Variants in ERBB4 observed in about 807,000 individuals in gnomAD.
The protein encoded by ERBB4 is receptor tyrosine-protein kinase erbB-4.
ERBB4 carries 42 observed loss-of-function variants against 158.0 expected under a neutral mutation model. The ratio of observed to expected loss-of-function variants is 0.27; its 90% CI spans 0.21 to 0.34. The LOEUF is 0.34. Among genes scored for constraint, ERBB4 ranks in the 10% least tolerant of loss-of-function variants. ERBB4 has a pLI of 1.00. For synonymous variants in ERBB4, 583 were observed against 558.7 expected, an observed-to-expected ratio of 1.04 and a Z score of -0.61; for missense variants, 1,333 against 1,624.1, an observed-to-expected ratio of 0.82 and a Z score of 3.08.
chr2:212,263,471 A>G (rs191319337), intron 1 of ERBB4, among the ~76,000 whole-genome samples: 305 of 152,240 alleles, frequency 2.0e-3, no homozygotes, highest in Non-Finnish European at 3.4e-3. Context: ...TACAGCAAAA[A>G]TATTTTCACA....
chr2:211,937,923 A>G (rs140542488), intron 3 of ERBB4, among the ~76,000 whole-genome samples: 8 of 152,248 alleles, frequency 5.3e-5, no homozygotes, highest in African/African-American at 1.7e-4. Flanking sequence ...AAAGTAAAAA[A>G]TTTCATTTTT....
intron 20 of ERBB4, among the ~76,000 whole-genome samples, chr2:211,445,583 C>A (rs17747141): frequency 1.3e-5 from 2 of 151,908 alleles, no homozygotes; most frequent in African/African-American, 4.8e-5. Context: ...GTAAAACTAG[C>A]GACAGTATCA....
chr2:211,402,262 C>G lies in ERBB4; in HGVS notation c.3136-14270G>C, dbSNP rs551722751. Among the ~76,000 whole-genome samples the G allele has an allele frequency of 5.9e-5, 9 of 152,062 alleles. No individual in the cohort carries two copies. The South Asian group carries it at 1.9e-3, about 32-fold the overall frequency. ...AACCGGTTACATTAGTATCCTGCCT[C>G]TCTTATTTCTCCTAAATTTACTTAT... On this transcript the variant is annotated intron_variant, in intron 25 of 27. Transcript: ENST00000342788.
intron 20 of ERBB4, among the ~76,000 whole-genome samples, chr2:211,477,404 C>A (rs12988192): frequency 0.14 from 21,632 of 151,686 alleles, 1,891 homozygotes; most frequent in Admixed American, 0.19. Context: ...TCTGGAGAAC[C>A]CTAATTAATA....
Position 211,387,052 on chromosome 2 carries a change from T to C in ERBB4, c.3282A>G (p.Ala1094=). The stretch of plus-strand genomic sequence containing the variant: ...CAAAAATCTCAGCAGTAGCACCCTG[T>C]GCCACAGGAGCTTCTGGAATTGTGC... The part of the protein sequence containing the change: ...PTSTIPEAPV[A]QGATAEIFDD... Residue 1094 remains alanine, a synonymous_variant, in exon 27 of 28, where the codon GCA becomes GCG. Transcript: ENST00000342788. The C allele has an allele frequency of 6.2e-7, 1 of 1,614,026 alleles. No individual in the cohort carries two copies. The highest frequency in any genetic ancestry group is 8.5e-7 in the Non-Finnish European group (1 of 1,179,942).
At chr2:212,147,157 ATTTTTTTTTTTT>A (rs71397161) in intron 1 of ERBB4, among the ~76,000 whole-genome samples, 10 of 34,260 alleles carry the variant, frequency 2.9e-4, no homozygotes, top group Admixed American at 1.9e-3. Flanking sequence ...TGCCCAGCTA[ATTTTTTTTTTTT>A]TTTTTTTTTT....
rs117514570 is a variant in ERBB4, at chr2:211,560,129, C to T, written c.2487+1774G>A. On this transcript the variant is annotated intron_variant, in intron 20 of 27. Transcript: ENST00000342788. ...TATAAAACTAATTATTCAGGAAACT[C>T]AAAGTAGTTTCTCTTATTAGAGTGT... Among the ~76,000 whole-genome samples, 1,281 of 152,070 alleles carry T rather than the reference C, an allele frequency of 8.4e-3. 16 individuals carry two copies. Among genetic ancestry groups the T allele is most frequent in the East Asian group, 0.041 (214 of 5,164 alleles).
intron 2 of ERBB4, among the ~76,000 whole-genome samples, chr2:212,069,318 T>C (rs1377708141): frequency 6.6e-6 from 1 of 151,966 alleles, no homozygotes; most frequent in Non-Finnish European, 1.5e-5. Flanking sequence ...TAATAAAAAA[T>C]CAATATGGTC....
At chr2:212,038,185 C>T (rs2077058283) in intron 2 of ERBB4, among the ~76,000 whole-genome samples, 1 of 151,772 alleles carries the variant, frequency 6.6e-6, no homozygotes, top group African/African-American at 2.4e-5. Context: ...TGGAGAATTC[C>T]CAAATATTTC....
intron 19 of ERBB4, among the ~76,000 whole-genome samples, chr2:211,563,551 G>T (rs1161519025): frequency 6.6e-6 from 1 of 151,922 alleles, no homozygotes; most frequent in East Asian, 1.9e-4. Context: ...TTTGGCTCTT[G>T]GATAAAAAAA....
At chr2:211,442,791 C>G (rs2064016896) in intron 20 of ERBB4, among the ~76,000 whole-genome samples, 1 of 151,852 alleles carries the variant, frequency 6.6e-6, no homozygotes, top group South Asian at 2.1e-4. Flanking sequence ...ATTTGTCAAA[C>G]TATTTTTAAG....
chr2:211,544,826 AAC>A (rs2066900988), intron 20 of ERBB4, among the ~76,000 whole-genome samples: 1 of 152,088 alleles, frequency 6.6e-6, no homozygotes, highest in Non-Finnish European at 1.5e-5. Flanking sequence ...ACTTGTTTCA[AAC>A]ACAACACTTA....
At chr2:212,236,559 A>G (rs972452275) in intron 1 of ERBB4, among the ~76,000 whole-genome samples, 2 of 152,168 alleles carry the variant, frequency 1.3e-5, no homozygotes, top group Non-Finnish European at 2.9e-5. Flanking sequence ...TCCTCTTAAT[A>G]TCTCTGGTGG....
At chr2:211,720,501 G>A (rs780749047) in intron 7 of ERBB4, among the ~76,000 whole-genome samples, 42 of 152,214 alleles carry the variant, frequency 2.8e-4, no homozygotes, top group Non-Finnish European at 5.3e-4. Flanking sequence ...AAGATTTAAC[G>A]CCATGTCTTT....
In ERBB4 at chr2:212,124,921, T is replaced by TACA; in HGVS notation, c.83-21_83-19dup. ...TGCACACACTGCAAAGACAAGAAGA[T>TACA]ACACGTGAAATTACATAACCTTTAT... On this transcript the variant is annotated intron_variant, in intron 1 of 27. Coordinates refer to ENST00000342788, the MANE Select transcript of ERBB4 (RefSeq NM_005235.3). 1 of 1,613,936 alleles carries TACA rather than the reference T, an allele frequency of 6.2e-7. No homozygotes were observed.
At chr2:211,937,660 G>A (rs1023428114) in intron 3 of ERBB4, among the ~76,000 whole-genome samples, 1 of 152,080 alleles carries the variant, frequency 6.6e-6, no homozygotes, top group Non-Finnish European at 1.5e-5. Flanking sequence ...GAGAATGAAT[G>A]AGTGCCCAGA....
chr2:211,842,029 T>C (rs1402740602), intron 3 of ERBB4, among the ~76,000 whole-genome samples: 4 of 152,090 alleles, frequency 2.6e-5, no homozygotes, highest in Non-Finnish European at 5.9e-5. Context: ...TTTACAATTC[T>C]GTCCCAAATT....
At chr2:211,736,652 G>A (rs1189796259) in intron 5 of ERBB4, among the ~76,000 whole-genome samples, 1 of 152,118 alleles carries the variant, frequency 6.6e-6, no homozygotes, top group Non-Finnish European at 1.5e-5. Flanking sequence ...TAGAGGATAT[G>A]GAAAATCACT....
intron 19 of ERBB4, among the ~76,000 whole-genome samples, chr2:211,564,919 G>A (rs1487285568): frequency 6.6e-6 from 1 of 152,124 alleles, no homozygotes; most frequent in East Asian, 1.9e-4. Flanking sequence ...TTTTTCTAGT[G>A]GGAGTTGAAG....
Sources: gnomAD v4.1 joint callset for allele counts (sites outside exome capture counted in the v4.1 genomes callset) on GRCh38, gnomAD v4.1.1 for gene constraint, MANE v1.5 for transcripts, NCBI Gene and HGNC (gene_info 2026-07-23, HGNC 2026-07-21) for gene names.